SUMF1: variants seen among roughly 807,000 people sequenced by gnomAD.
The protein encoded by SUMF1 is sulfatase modifying factor 1.
A neutral mutation model predicts 47.6 loss-of-function variants in SUMF1; 48 were observed. The ratio of observed to expected loss-of-function variants is 1.01; its 90% CI spans 0.80 to 1.28. SUMF1 has a LOEUF of 1.28. Ranked by LOEUF, SUMF1 falls within the 50% of genes most tolerant of loss-of-function variation. The pLI, the probability that SUMF1 is intolerant of heterozygous loss-of-function variation, is 0.00. For synonymous variants in SUMF1, 230 were observed against 192.1 expected (o/e 1.20, Z -1.63); for missense variants, 571 against 485.4 (o/e 1.18, Z -1.66).
chr3:4,399,797 A>G (rs1010594293), intron 7 of SUMF1, among the ~76,000 whole-genome samples: 2 of 152,138 alleles, frequency 1.3e-5, no homozygotes, highest in Non-Finnish European at 2.9e-5. Context: ...TCGCTCTGCC[A>G]TCTAGCCTGA....
chr3:4,362,774 C>T (rs554993257), intron 8 of SUMF1, among the ~76,000 whole-genome samples: 13 of 152,110 alleles, frequency 8.5e-5, no homozygotes, highest in African/African-American at 2.9e-4. Context: ...ATTAGCTGAG[C>T]ATGGTGGTGT....
At chr3:4,141,840 T>C (rs1420468966) in intron 8 of SUMF1, among the ~76,000 whole-genome samples, 1 of 152,018 alleles carries the variant, frequency 6.6e-6, no homozygotes, top group East Asian at 1.9e-4. Flanking sequence ...AAACTATACG[T>C]CTCCAGCACA....
intron 8 of SUMF1, among the ~76,000 whole-genome samples, chr3:4,190,053 G>C (rs1695282370): frequency 6.6e-6 from 1 of 151,982 alleles, no homozygotes; most frequent in African/African-American, 2.4e-5. Flanking sequence ...AATAACCATT[G>C]ATATCTATAA....
intron 8 of SUMF1, among the ~76,000 whole-genome samples, chr3:4,167,149 T>C (rs2120511): frequency 1 from 151,777 of 152,128 alleles, 75,715 homozygotes; most frequent in Middle Eastern, 1. Flanking sequence ...CACGGGCCTC[T>C]GTGGTGAGTG....
rs116250027 is a variant in SUMF1, at chr3:4,093,932, G to T, written c.1015-25187C>A. ...AAATATTAAAATTCTATATTAGGTAGATTAGGCAGGTATATATCCAAAATG... is the reference window on the plus strand; with the variant it reads ...AAATATTAAAATTCTATATTAGGTATATTAGGCAGGTATATATCCAAAATG... On this transcript the variant is annotated intron_variant and NMD_transcript_variant, in intron 8 of 12. Transcript: ENST00000448413. Among the ~76,000 whole-genome samples, 1,010 of 152,164 alleles carry T rather than the reference G, an allele frequency of 6.6e-3. 15 individuals are homozygous for T. The highest frequency in any genetic ancestry group is 0.023 in the African/African-American group (954 of 41,494).
intron 8 of SUMF1, among the ~76,000 whole-genome samples, chr3:4,154,546 T>C (rs1275419840): frequency 1.3e-5 from 2 of 151,494 alleles, no homozygotes; most frequent in Non-Finnish European, 2.9e-5. Context: ...AATAAATGAG[T>C]TTCATTGCCA....
intron 8 of SUMF1, among the ~76,000 whole-genome samples, chr3:4,367,588 C>T (rs1039713012): frequency 5.0e-4 from 76 of 152,050 alleles, no homozygotes; most frequent in Non-Finnish European, 7.4e-4. Flanking sequence ...TCAAACTATA[C>T]TACAAGGCTA....
In SUMF1 at chr3:4,373,229, G is replaced by C. The variant is rs149444173; in HGVS notation, c.1014+3101C>G. Among the ~76,000 whole-genome samples, 890 of 151,768 alleles carry C rather than the reference G, an allele frequency of 5.9e-3. 3 individuals are homozygous for C. Among genetic ancestry groups the C allele is most frequent in the Middle Eastern group, 0.041 (12 of 294 alleles). ...ACAAACAGAGAACAACAACAGGTGA[G>C]ACAAAGAGAAAAAAAATCAAGATGG... On this transcript the variant is annotated intron_variant, in intron 8 of 8. Transcript: ENST00000272902.
At chr3:4,053,619 TTC>T (rs1387522471) in intron 9 of SUMF1, among the ~76,000 whole-genome samples, 1 of 152,158 alleles carries the variant, frequency 6.6e-6, no homozygotes, top group Non-Finnish European at 1.5e-5. Context: ...CCAGAATCTT[TTC>T]TCCCCCTAAA....
intron 8 of SUMF1, among the ~76,000 whole-genome samples, chr3:4,342,787 C>G (rs1050562773): frequency 6.6e-6 from 1 of 152,128 alleles, no homozygotes; most frequent in Non-Finnish European, 1.5e-5. Context: ...AGCACCCTAC[C>G]AATATCTGCA....
chr3:4,281,332 G>T lies in SUMF1; in HGVS notation c.1014+94998C>A, dbSNP rs192698621. ...GATTCAGGGAAGGGATGGTGGAGAG[G>T]GTTGATTTCACTGTGAGAGAGAGAG... On this transcript the variant is annotated intron_variant and NMD_transcript_variant, in intron 8 of 12. Coordinates refer to the SUMF1 transcript ENST00000448413. 3.3e-5 allele frequency among the ~76,000 whole-genome samples: 5 copies of T among 152,136 alleles called. No homozygotes were observed. The East Asian group carries it at 9.6e-4, about 29-fold the overall frequency.
rs149544441 is a variant in SUMF1 at position 4,232,174 on chromosome 3, A to T, written c.1014+144156T>A. The stretch of plus-strand genomic sequence containing the variant: ...TTGACTAATTTTATCAAAAGCAACC[A>T]TACTGGGGCAGGAGAGTGTCAGACC... On this transcript the variant is annotated intron_variant and NMD_transcript_variant, in intron 8 of 12. Transcript: ENST00000448413. 8.5e-5 allele frequency among the ~76,000 whole-genome samples: 13 copies of T among 152,236 alleles called. No homozygotes were observed. The East Asian group carries it at 2.5e-3, about 29-fold the overall frequency.
At chr3:4,114,940 G>A (rs1398121873) in intron 8 of SUMF1, among the ~76,000 whole-genome samples, 2 of 152,028 alleles carry the variant, frequency 1.3e-5, no homozygotes, top group African/African-American at 2.4e-5. Flanking sequence ...GTGGAGAAAC[G>A]CAGGGTCCCC....
intron 8 of SUMF1, among the ~76,000 whole-genome samples, chr3:4,332,805 G>C (rs1699075660): frequency 6.6e-6 from 1 of 152,154 alleles, no homozygotes; most frequent in Non-Finnish European, 1.5e-5. Context: ...GGCCCTAAGT[G>C]AGAACAGGCA....
chr3:4,344,851 A>G (rs1308665526), intron 8 of SUMF1, among the ~76,000 whole-genome samples: 1 of 152,164 alleles, frequency 6.6e-6, no homozygotes, highest in Non-Finnish European at 1.5e-5. Context: ...AACTTGATGG[A>G]GCTGAAAAAC....
chr3:4,337,014 C>A (rs960383759), intron 8 of SUMF1, among the ~76,000 whole-genome samples: 2 of 152,146 alleles, frequency 1.3e-5, no homozygotes, highest in African/African-American at 2.4e-5. Context: ...CATGCTCTTA[C>A]CCTTGCCTTC....
chr3:4,291,109 G>T (rs1251036868), intron 8 of SUMF1, among the ~76,000 whole-genome samples: 1 of 152,130 alleles, frequency 6.6e-6, no homozygotes, highest in Non-Finnish European at 1.5e-5. Flanking sequence ...CATAGTATGT[G>T]TCCGCCAAAT....
intron 8 of SUMF1, among the ~76,000 whole-genome samples, chr3:4,222,810 T>G (rs904592111): frequency 6.6e-6 from 1 of 152,012 alleles, no homozygotes; most frequent in African/African-American, 2.4e-5. Context: ...GGAAAGAGAT[T>G]CAGAGAATGT....
chr3:4,280,603 G>C (rs1423066953), intron 8 of SUMF1, among the ~76,000 whole-genome samples: 2 of 152,174 alleles, frequency 1.3e-5, no homozygotes, highest in African/African-American at 4.8e-5. Context: ...TCCTGGGGCT[G>C]TCCTAACAAC....
Sources: allele counts gnomAD v4.1 joint callset (sites outside exome capture counted in the v4.1 genomes callset), GRCh38; gene constraint gnomAD v4.1.1; transcripts MANE v1.5; gene names NCBI Gene and HGNC (gene_info 2026-07-23, HGNC 2026-07-21).